NIM1K: variants seen among roughly 807,000 people sequenced by gnomAD.
NIM1K encodes the protein NIM1 serine/threonine protein kinase, also known as serine/threonine-protein kinase NIM1.
In NIM1K, 35 loss-of-function variants were observed where a neutral mutation model predicts 37.1. The ratio of observed to expected loss-of-function variants is 0.94; its 90% CI spans 0.72 to 1.25. NIM1K has a LOEUF of 1.25. Ranked by LOEUF, NIM1K falls within the 50% of genes most tolerant of loss-of-function variation. NIM1K has a pLI of 0.00. For missense variants in NIM1K, 564 were observed against 548.0 expected (o/e 1.03, Z -0.29); for synonymous variants, 234 against 206.6 (o/e 1.13, Z -1.14).
intron 2 of NIM1K, among the ~76,000 whole-genome samples, chr5:43,270,029 T>C (rs1753231659): frequency 6.6e-6 from 1 of 152,242 alleles, no homozygotes; most frequent in African/African-American, 2.4e-5. Flanking sequence ...TTTAGAATTT[T>C]GTGTATGGCT....
chr5:43,235,845 CT>C (rs77554972), intron 1 of NIM1K, among the ~76,000 whole-genome samples: 460 of 142,334 alleles, frequency 3.2e-3, no homozygotes, highest in Middle Eastern at 3.6e-3. Context: ...CCCTCCCCAT[CT>C]TTTTTTTTTT....
intron 2 of NIM1K, among the ~76,000 whole-genome samples, chr5:43,267,751 T>C (rs542066493): frequency 6.6e-6 from 1 of 152,328 alleles, no homozygotes; most frequent in South Asian, 2.1e-4. Flanking sequence ...CATGTATTTG[T>C]ATAGTTTTGA....
intron 1 of NIM1K, among the ~76,000 whole-genome samples, chr5:43,220,293 C>CTTTTTTTTTTTTTT (rs70994613): frequency 7.7e-6 from 1 of 130,430 alleles, no homozygotes; most frequent in Non-Finnish European, 1.6e-5. Flanking sequence ...GTGGGTATCT[C>CTTTTTTTTTTTTTT]TTTTTTTTTT....
chr5:43,266,584 C>T (rs962077348), intron 2 of NIM1K, among the ~76,000 whole-genome samples: 2 of 152,186 alleles, frequency 1.3e-5, no homozygotes, highest in Admixed American at 6.5e-5. Flanking sequence ...GAGGCGATGC[C>T]CTGCCCTAGT....
chr5:43,243,206 ACAAAGTGAT>A (rs1332920753), intron 1 of NIM1K, among the ~76,000 whole-genome samples: 3 of 152,250 alleles, frequency 2.0e-5, no homozygotes, highest in Admixed American at 1.3e-4. Context: ...CTGTTAGAAC[ACAAAGTGAT>A]CAAAGTGATC....
intron 1 of NIM1K, among the ~76,000 whole-genome samples, chr5:43,239,513 T>C (rs1239340022): frequency 6.6e-6 from 1 of 151,550 alleles, no homozygotes; most frequent in African/African-American, 2.4e-5. Context: ...GTTGGGATTA[T>C]AGGCGTGAGC....
intron 2 of NIM1K, among the ~76,000 whole-genome samples, chr5:43,265,703 T>C (rs1753136645): frequency 6.6e-6 from 1 of 152,260 alleles, no homozygotes; most frequent in Non-Finnish European, 1.5e-5. Flanking sequence ...AGAGGCACTC[T>C]GATTCTTAGA....
intron 2 of NIM1K, among the ~76,000 whole-genome samples, chr5:43,255,778 G>GAAAGAAAGAA (rs1363406613): frequency 3.3e-5 from 5 of 150,174 alleles, no homozygotes; most frequent in Non-Finnish European, 5.9e-5. Context: ...AAGAAAGAAA[G>GAAAGAAAGAA]AGCAGGAGGG....
chr5:43,239,246 AT>A (rs1279491095), intron 1 of NIM1K, among the ~76,000 whole-genome samples: 3 of 151,672 alleles, frequency 2.0e-5, no homozygotes, highest in African/African-American at 4.9e-5. Flanking sequence ...TTATTTATTT[AT>A]TTTTTTAAGT....
At chr5:43,272,613 G>A (rs1753274048) in intron 2 of NIM1K, among the ~76,000 whole-genome samples, 1 of 152,162 alleles carries the variant, frequency 6.6e-6, no homozygotes, top group Non-Finnish European at 1.5e-5. Flanking sequence ...TAGAAGGAAA[G>A]CCTCAGCTTC....
chr5:43,207,208 T>A (rs1276976565), intron 1 of NIM1K: 2 of 747,578 alleles, frequency 2.7e-6, no homozygotes, highest in Non-Finnish European at 5.0e-6. Flanking sequence ...TGGCAGAGAG[T>A]GATTTGGCAT....
Position 43,280,817 on chromosome 5 carries a change from T to A in NIM1K, c.*88T>A, listed in dbSNP as rs970717925. 3 of 1,272,404 alleles carry A rather than the reference T, an allele frequency of 2.4e-6. No homozygotes were observed. The highest frequency in any genetic ancestry group is 3.0e-5 in the African/African-American group (2 of 67,116). 78.8% of individuals were successfully genotyped at this position (1,272,404 alleles called of 1,614,324 possible). A position where few individuals can be genotyped will look rare whatever the true frequency, so the allele number is the denominator to read the frequency against. ...GACAACTTGAGTGGAGACATTTTTGTAATTTTTAAATAAACTTAAATTTGA... is the reference window on the plus strand; with the variant it reads ...GACAACTTGAGTGGAGACATTTTTGAAATTTTTAAATAAACTTAAATTTGA... On this transcript the variant is annotated 3_prime_UTR_variant, in exon 4 of 4. Coordinates refer to ENST00000326035, the MANE Select transcript of NIM1K (RefSeq NM_153361.4).
chr5:43,227,897 T>C (rs953701220), intron 1 of NIM1K, among the ~76,000 whole-genome samples: 2 of 152,156 alleles, frequency 1.3e-5, no homozygotes, highest in Admixed American at 6.5e-5. Context: ...GTAAACATCA[T>C]AGGTTCCAAC....
At chr5:43,235,972 A>G (rs968412009) in intron 1 of NIM1K, among the ~76,000 whole-genome samples, 6 of 152,038 alleles carry the variant, frequency 3.9e-5, no homozygotes, top group Non-Finnish European at 2.9e-5. Flanking sequence ...GAGTTAATCT[A>G]TACTTTAAAA....
chr5:43,247,553 C>A (rs1752801448), intron 2 of NIM1K, among the ~76,000 whole-genome samples: 1 of 152,158 alleles, frequency 6.6e-6, no homozygotes, highest in South Asian at 2.1e-4. Flanking sequence ...ATTAGAATTA[C>A]CTGGGAAGGT....
At chr5:43,276,040 G>T (rs1753334510) in intron 2 of NIM1K, among the ~76,000 whole-genome samples, 1 of 151,554 alleles carries the variant, frequency 6.6e-6, no homozygotes. Context: ...TAGCACAGGT[G>T]CCTGCCACCG....
chr5:43,244,865 G>A (rs188312998), intron 1 of NIM1K, among the ~76,000 whole-genome samples: 3 of 152,126 alleles, frequency 2.0e-5, no homozygotes, highest in African/African-American at 4.8e-5. Flanking sequence ...AAATATGTAC[G>A]GACCTTAGGG....
chr5:43,240,646 C>T (rs1053404413), intron 1 of NIM1K, among the ~76,000 whole-genome samples: 6 of 151,130 alleles, frequency 4.0e-5, no homozygotes, highest in Admixed American at 2.0e-4. Flanking sequence ...TGGGCTCAAG[C>T]GATTCTCCTG....
At chr5:43,207,242 G>A (rs887959621) in intron 1 of NIM1K, 1 of 757,130 alleles carries the variant, frequency 1.3e-6, no homozygotes, top group African/African-American at 1.7e-5. Flanking sequence ...CATGGGAAGT[G>A]GCAAAGATTA....
Sources: gnomAD v4.1 joint callset for allele counts (sites outside exome capture counted in the v4.1 genomes callset) on GRCh38, gnomAD v4.1.1 for gene constraint, MANE v1.5 for transcripts, NCBI Gene and HGNC (gene_info 2026-07-23, HGNC 2026-07-21) for gene names.